The following PLBD1 variants were observed in gnomAD, a reference collection of about 807,000 sequenced individuals.
The protein encoded by PLBD1 is phospholipase B domain containing 1.
Under a neutral mutation model 63.0 loss-of-function variants are expected in PLBD1, and 60 were observed. The ratio of observed to expected loss-of-function variants is 0.95; its 90% CI spans 0.77 to 1.18. The LOEUF is 1.18. PLBD1 is among the 50% of genes most tolerant of loss of function. The probability of loss-of-function intolerance (pLI) is 0.00; values close to 1 mark genes in which losing one functional copy is unlikely to be tolerated. For missense variants in PLBD1, 598 were observed against 677.9 expected, an observed-to-expected ratio of 0.88 and a Z score of 1.31; for synonymous variants, 262 against 248.0, an observed-to-expected ratio of 1.06 and a Z score of -0.53.
At chr12:14,524,430 T>C (rs1461252708) in intron 6 of PLBD1, among the ~76,000 whole-genome samples, 1 of 152,146 alleles carries the variant, frequency 6.6e-6, no homozygotes. Context: ...ATATGTACAA[T>C]TATATGTCAT....
rs1005588888 is a variant in PLBD1 at position 14,541,392 on chromosome 12, T to C, written c.420-490A>G. Among the ~76,000 whole-genome samples the C allele has an allele frequency of 3.3e-5, 5 of 152,256 alleles. No homozygotes were observed. In the South Asian group the frequency reaches 1.0e-3, roughly 32 times the overall value. On this transcript the variant is annotated intron_variant, in intron 3 of 10. Transcript: ENST00000240617. Reference sequence around the variant, plus strand: ...TTATGATTCATTCCGTTTCAGTTGTTATTAGTAACCGCTTCAATGCCTCTG... The same window carrying C: ...TTATGATTCATTCCGTTTCAGTTGTCATTAGTAACCGCTTCAATGCCTCTG...
chr12:14,510,253 G>A (rs991163912), intron 8 of PLBD1, among the ~76,000 whole-genome samples: 2 of 152,112 alleles, frequency 1.3e-5, no homozygotes, highest in African/African-American at 4.8e-5. Context: ...AATTAGCCAG[G>A]TGTGGTGGCA....
chr12:14,511,689 A>T lies in PLBD1; in HGVS notation c.867T>A (p.Asp289Glu). ...SYPGFLESLD[D>E]FYILSSGLIL... The stretch of plus-strand genomic sequence containing the variant: ...TCAATCCACTGCTAAGAATGTAAAA[A>T]TCATCCAGAGACTCCAAAAACCCTA... Residue 289 changes from aspartate (D) to glutamate (E), a missense_variant, in exon 7 of 11, where the codon GAT (aspartate) becomes GAA (glutamate). Transcript: ENST00000240617. 6.2e-7 allele frequency: 1 copy of T among 1,614,194 alleles called. No homozygotes were observed. Among genetic ancestry groups the T allele is most frequent in the Non-Finnish European group, 8.5e-7 (1 of 1,180,012 alleles).
In PLBD1 at chr12:14,567,789, G is replaced by A; in HGVS notation, c.-93C>T. Reference sequence around the variant, plus strand: ...CAAGAGAGGCTCCTGGCCTACTCAGGGGCGCCGCCTCTCCGAGGTGGGGCG... The same window carrying A: ...CAAGAGAGGCTCCTGGCCTACTCAGAGGCGCCGCCTCTCCGAGGTGGGGCG... On this transcript the variant is annotated 5_prime_UTR_variant, in exon 1 of 11. Transcript: ENST00000240617. 1.5e-6 allele frequency: 2 copies of A among 1,344,824 alleles called. No homozygotes were observed. Among genetic ancestry groups the A allele is most frequent in the South Asian group, 3.6e-5 (2 of 55,484 alleles). 83.3% of individuals were successfully genotyped at this position (1,344,824 alleles called of 1,614,324 possible).
intron 6 of PLBD1, among the ~76,000 whole-genome samples, chr12:14,527,639 G>A (rs559617904): frequency 1.3e-5 from 2 of 152,220 alleles, no homozygotes; most frequent in Non-Finnish European, 2.9e-5. Context: ...GCAGTTGCTA[G>A]TACTACACAC....
At chr12:14,537,913 G>A (rs1945532640) in intron 4 of PLBD1, among the ~76,000 whole-genome samples, 1 of 151,648 alleles carries the variant, frequency 6.6e-6, no homozygotes, top group African/African-American at 2.4e-5. Context: ...ATTTTCTCAG[G>A]TACTACCATT....
At chr12:14,553,148 A>G (rs1945673073) in intron 2 of PLBD1, 45 bp downstream of exon 2, 2 of 1,506,508 alleles carry the variant, frequency 1.3e-6, no homozygotes, top group African/African-American at 1.4e-5. Flanking sequence ...CATGGGAAGG[A>G]CAGGGGTTGC....
chr12:14,566,330 GT>G (rs1340527761), intron 1 of PLBD1, among the ~76,000 whole-genome samples: 1 of 152,158 alleles, frequency 6.6e-6, no homozygotes, highest in Non-Finnish European at 1.5e-5. Flanking sequence ...AACTAAGCAA[GT>G]CTCAAAAACG....
intron 1 of PLBD1, among the ~76,000 whole-genome samples, chr12:14,557,026 T>C (rs1945711994): frequency 6.8e-6 from 1 of 147,998 alleles, no homozygotes; most frequent in Admixed American, 6.7e-5. Flanking sequence ...CTGTCACGCT[T>C]TTCAAAATAA....
At position 14,544,474 on chromosome 12, in the gene PLBD1, C is replaced by G. The variant is rs532305704; in HGVS notation, c.336-2183G>C. On this transcript the variant is annotated intron_variant, in intron 2 of 10. Coordinates refer to ENST00000240617, the MANE Select transcript of PLBD1 (RefSeq NM_024829.6). Reference sequence around the variant, plus strand: ...TAGGAGTGAGCCACTGCACTGGGCCCGTTTTTTCCATTTTGATAAATTCTC... The same window carrying G: ...TAGGAGTGAGCCACTGCACTGGGCCGGTTTTTTCCATTTTGATAAATTCTC... 2.2e-4 allele frequency among the ~76,000 whole-genome samples: 33 copies of G among 152,136 alleles called. 1 individual carries two copies. The highest frequency in any genetic ancestry group is 7.5e-4 in the African/African-American group (31 of 41,530).
intron 6 of PLBD1, among the ~76,000 whole-genome samples, chr12:14,527,897 T>C (rs1159328735): frequency 1.3e-5 from 2 of 150,394 alleles, no homozygotes; most frequent in African/African-American, 2.4e-5. Context: ...GTTATATTAA[T>C]ATAAGACAAT....
intron 4 of PLBD1, among the ~76,000 whole-genome samples, chr12:14,537,129 T>G (rs536040436): frequency 1.3e-5 from 2 of 149,992 alleles, no homozygotes; most frequent in Non-Finnish European, 1.5e-5. Flanking sequence ...TTTCGAAGAG[T>G]CTCTAATTTA....
At chr12:14,516,371 T>G (rs1945337249) in intron 6 of PLBD1, among the ~76,000 whole-genome samples, 1 of 151,916 alleles carries the variant, frequency 6.6e-6, no homozygotes, top group African/African-American at 2.4e-5. Flanking sequence ...CAAAAAAGGC[T>G]AAGCAAAGAT....
At chr12:14,564,706 T>C (rs560993075) in intron 1 of PLBD1, among the ~76,000 whole-genome samples, 1 of 152,326 alleles carries the variant, frequency 6.6e-6, no homozygotes, top group African/African-American at 2.4e-5. Context: ...TATGGAGCAG[T>C]AGAAAGACTG....
chr12:14,562,264 C>T (rs1401615523), intron 1 of PLBD1, among the ~76,000 whole-genome samples: 1 of 151,988 alleles, frequency 6.6e-6, no homozygotes, highest in Admixed American at 6.6e-5. Flanking sequence ...TTGAGACCCA[C>T]CTGCCCAATA....
chr12:14,524,175 G>A (rs778003053), intron 6 of PLBD1, among the ~76,000 whole-genome samples: 1 of 151,960 alleles, frequency 6.6e-6, no homozygotes, highest in Admixed American at 6.6e-5. Context: ...AGGTGGAAAG[G>A]GCTTAATCAA....
chr12:14,567,772 G>T lies in PLBD1; in HGVS notation c.-76C>A, dbSNP rs959000321. The T allele has an allele frequency of 7.3e-6, 10 of 1,370,308 alleles. No homozygotes were observed. Among genetic ancestry groups the T allele is most frequent in the Non-Finnish European group, 6.5e-6 (7 of 1,071,868 alleles). 84.9% of individuals were successfully genotyped at this position (1,370,308 alleles called of 1,614,324 possible). On this transcript the variant is annotated 5_prime_UTR_variant, in exon 1 of 11. Coordinates refer to ENST00000240617, the MANE Select transcript of PLBD1 (RefSeq NM_024829.6). ...CGCGGTGGCAGAAGTTGCAAGAGAG[G>T]CTCCTGGCCTACTCAGGGGCGCCGC...
intron 6 of PLBD1, among the ~76,000 whole-genome samples, chr12:14,531,775 C>T (rs758239341): frequency 5.3e-4 from 81 of 152,152 alleles, no homozygotes; most frequent in Admixed American, 9.2e-4. Context: ...GGATTACAGG[C>T]ATGAGCTACC....
chr12:14,550,550 G>A (rs1444499613), intron 2 of PLBD1, among the ~76,000 whole-genome samples: 1 of 152,088 alleles, frequency 6.6e-6, no homozygotes, highest in Admixed American at 6.6e-5. Context: ...AAAATTACCA[G>A]CCTGGGAAAC....
Sources: allele counts gnomAD v4.1 joint callset (sites outside exome capture counted in the v4.1 genomes callset), GRCh38; gene constraint gnomAD v4.1.1; transcripts MANE v1.5; gene names NCBI Gene and HGNC (gene_info 2026-07-23, HGNC 2026-07-21).